Variants in CCDC178 observed in about 807,000 individuals in gnomAD.
The protein encoded by CCDC178 is coiled-coil domain containing 178, also known as coiled-coil domain-containing protein 178.
In CCDC178, 126 loss-of-function variants were observed where a neutral mutation model predicts 117.4. The observed-to-expected ratio is 1.07, with a 90% CI of 0.93 to 1.24. CCDC178 has a LOEUF of 1.24. Ranked by LOEUF, CCDC178 falls within the 50% of genes most tolerant of loss-of-function variation. The pLI, the probability that CCDC178 is intolerant of heterozygous loss-of-function variation, is 0.00. For synonymous variants in CCDC178, 283 were observed against 313.4 expected (o/e 0.90, Z 1.02); for missense variants, 1,030 against 986.9 (o/e 1.04, Z -0.59).
At chr18:33,091,324 C>CTCTTTTTTTTTT (rs2057459597) in intron 21 of CCDC178, among the ~76,000 whole-genome samples, 1 of 43,882 alleles carries the variant, frequency 2.3e-5, no homozygotes, top group Non-Finnish European at 4.1e-5. Flanking sequence ...TTATTTCATT[C>CTCTTTTTTTTTT]TTTTTTTTTT....
intron 20 of CCDC178, among the ~76,000 whole-genome samples, chr18:33,149,108 C>T (rs2144333527): frequency 6.6e-6 from 1 of 152,300 alleles, no homozygotes; most frequent in African/African-American, 2.4e-5. Flanking sequence ...TGAAGAATCA[C>T]CAAGATGAAA....
At chr18:33,096,345 A>G (rs925653633) in intron 20 of CCDC178, among the ~76,000 whole-genome samples, 69 of 113,730 alleles carry the variant, frequency 6.1e-4, no homozygotes, top group Non-Finnish European at 1.1e-3. Context: ...AAATTTTTAT[A>G]TTTTATATAA....
intron 21 of CCDC178, among the ~76,000 whole-genome samples, chr18:33,059,336 A>G (rs753540902): frequency 6.6e-6 from 1 of 152,196 alleles, no homozygotes; most frequent in Non-Finnish European, 1.5e-5. Flanking sequence ...GTATTCTAAT[A>G]TGATATTGAT....
intron 4 of CCDC178, among the ~76,000 whole-genome samples, chr18:33,395,090 T>C (rs1030323747): frequency 1.3e-5 from 2 of 149,698 alleles, no homozygotes; most frequent in African/African-American, 4.9e-5. Flanking sequence ...AAATGACATT[T>C]GACACAAAAG....
rs144752319 is a variant in CCDC178, at chr18:33,325,700, A to G, written c.880-2067T>C. On this transcript the variant is annotated intron_variant, in intron 10 of 22. Coordinates refer to ENST00000383096, the MANE Select transcript of CCDC178 (RefSeq NM_001105528.4). ...TGAGTTTCCCTTTGATACTGGAATA[A>G]TATCTACATACAAGATTTTTCTTGT... 4.6e-3 allele frequency among the ~76,000 whole-genome samples: 706 copies of G among 152,266 alleles called. 13 individuals are homozygous for G. Among genetic ancestry groups the G allele is most frequent in the Middle Eastern group, 3.4e-3 (1 of 294 alleles).
At chr18:33,001,074 ATAAAT>A (rs1458350243) in intron 21 of CCDC178, among the ~76,000 whole-genome samples, 1 of 152,194 alleles carries the variant, frequency 6.6e-6, no homozygotes, top group Non-Finnish European at 1.5e-5. Flanking sequence ...GGTGGGGTAA[ATAAAT>A]TAAAGTGGAA....
intron 6 of CCDC178, among the ~76,000 whole-genome samples, chr18:33,364,550 T>G (rs2063173573): frequency 6.6e-6 from 1 of 151,770 alleles, no homozygotes; most frequent in African/African-American, 2.4e-5. Flanking sequence ...AAAAGGAGAT[T>G]TTTTAAAGAC....
intron 9 of CCDC178, among the ~76,000 whole-genome samples, chr18:33,337,082 G>A (rs756552009): frequency 2.4e-4 from 35 of 148,778 alleles, no homozygotes; most frequent in East Asian, 7.9e-4. Flanking sequence ...TTTCAGCAGT[G>A]TTATGTAGTT....
At chr18:33,092,597 A>G (rs1290806127) in intron 21 of CCDC178, among the ~76,000 whole-genome samples, 164 bp downstream of exon 21, 1 of 152,150 alleles carries the variant, frequency 6.6e-6, no homozygotes, top group East Asian at 1.9e-4. Context: ...TCAAAATTCA[A>G]TTTTAAAAGG....
intron 3 of CCDC178, among the ~76,000 whole-genome samples, chr18:33,399,587 C>T (rs2063683484): frequency 6.6e-6 from 1 of 152,216 alleles, no homozygotes; most frequent in African/African-American, 2.4e-5. Context: ...CAGGAAACCA[C>T]TTTCTTTGCT....
At chr18:33,167,902 T>A (rs1024880580) in intron 20 of CCDC178, among the ~76,000 whole-genome samples, 4 of 136,818 alleles carry the variant, frequency 2.9e-5, no homozygotes, top group Non-Finnish European at 6.5e-5. Flanking sequence ...AAATAAATAA[T>A]AAAAGTGTCT....
At chr18:33,012,967 C>T (rs1240405574) in intron 21 of CCDC178, among the ~76,000 whole-genome samples, 1 of 152,098 alleles carries the variant, frequency 6.6e-6, no homozygotes, top group Non-Finnish European at 1.5e-5. Flanking sequence ...AAATATCAGC[C>T]TATGCTCTAA....
At chr18:32,952,269 CTCCA>C (rs2054503830) in intron 22 of CCDC178, among the ~76,000 whole-genome samples, 1 of 152,260 alleles carries the variant, frequency 6.6e-6, no homozygotes, top group Non-Finnish European at 1.5e-5. Flanking sequence ...AGCAGAAGTT[CTCCA>C]TGAGGGCTCT....
At position 33,347,328 on chromosome 18, in the gene CCDC178, G is replaced by C. The variant is rs570123738; in HGVS notation, c.458-917C>G. Among the ~76,000 whole-genome samples, 117 of 152,268 alleles carry C rather than the reference G, an allele frequency of 7.7e-4. 1 individual carries two copies. In the South Asian group the frequency reaches 0.023, roughly 30 times the overall value. On this transcript the variant is annotated intron_variant, in intron 8 of 22. Transcript: ENST00000383096. Reference sequence around the variant, plus strand: ...GTTGCTTTTGGACAATAAAGACAATGATTTTCTGCTAGATGGGAGTATTAA... The same window carrying C: ...GTTGCTTTTGGACAATAAAGACAATCATTTTCTGCTAGATGGGAGTATTAA...
At chr18:33,014,106 C>G (rs6507002) in intron 21 of CCDC178, among the ~76,000 whole-genome samples, 15,923 of 152,210 alleles carry the variant, frequency 0.1, 1,316 homozygotes, top group African/African-American at 0.22. Context: ...TTCCCATTCT[C>G]CTACTTCAAC....
intron 2 of CCDC178, among the ~76,000 whole-genome samples, chr18:33,422,456 T>G (rs966071612): frequency 1.3e-5 from 2 of 152,164 alleles, no homozygotes; most frequent in Non-Finnish European, 2.9e-5. Flanking sequence ...ATCTGTGTTA[T>G]TCACTTCTCT....
chr18:33,134,876 C>A (rs1222807434), intron 20 of CCDC178, among the ~76,000 whole-genome samples: 1 of 151,886 alleles, frequency 6.6e-6, no homozygotes, highest in Non-Finnish European at 1.5e-5. Flanking sequence ...GGTGGCAAAC[C>A]AATGAGCAAG....
intron 22 of CCDC178, among the ~76,000 whole-genome samples, chr18:32,952,667 T>G (rs1459564864): frequency 6.6e-6 from 1 of 152,228 alleles, no homozygotes; most frequent in Non-Finnish European, 1.5e-5. Flanking sequence ...ATGATTAACA[T>G]TTGGCTCTTC....
chr18:33,017,839 C>T (rs1219455039), intron 21 of CCDC178, among the ~76,000 whole-genome samples: 1 of 151,752 alleles, frequency 6.6e-6, no homozygotes, highest in African/African-American at 2.4e-5. Context: ...CTATAAAACC[C>T]TCAGATGAAA....
Sources: gnomAD v4.1 joint callset for allele counts (sites outside exome capture counted in the v4.1 genomes callset) on GRCh38, gnomAD v4.1.1 for gene constraint, MANE v1.5 for transcripts, NCBI Gene and HGNC (gene_info 2026-07-23, HGNC 2026-07-21) for gene names.